The following HPSE2 variants were observed in gnomAD, a reference collection of about 807,000 sequenced individuals.
HPSE2 encodes the protein heparanase 2 (inactive).
In HPSE2, 38 loss-of-function variants were observed where a neutral mutation model predicts 60.5. That is an observed-to-expected ratio of 0.63 (90% CI 0.48 to 0.82). HPSE2 has a LOEUF of 0.82. Ranked by LOEUF, HPSE2 falls within the 40% of genes least tolerant of loss-of-function variation. HPSE2 has a pLI of 0.00. For synonymous variants in HPSE2, 295 were observed against 293.2 expected, an observed-to-expected ratio of 1.01 and a Z score of -0.06; for missense variants, 713 against 740.4, an observed-to-expected ratio of 0.96 and a Z score of 0.43.
chr10:98,999,139 C>T (rs1956716385), intron 3 of HPSE2, among the ~76,000 whole-genome samples: 1 of 148,180 alleles, frequency 6.7e-6, no homozygotes, highest in Admixed American at 6.7e-5. Context: ...AAGCACACTG[C>T]TAAGTGGTAT....
intron 7 of HPSE2, 54 bp from the exon 8 acceptor site, chr10:98,620,762 A>G: frequency 1.7e-6 from 2 of 1,152,910 alleles, no homozygotes; most frequent in Non-Finnish European, 2.6e-6. Context: ...AGCTATTCCC[A>G]CATGAGAAGA....
chr10:98,807,196 G>C (rs186551468), intron 3 of HPSE2, among the ~76,000 whole-genome samples: 15 of 152,230 alleles, frequency 9.9e-5, no homozygotes, highest in Non-Finnish European at 1.9e-4. Context: ...GCATCACTCA[G>C]CTTCAATATT....
At chr10:98,850,913 C>T (rs1419154918) in intron 3 of HPSE2, among the ~76,000 whole-genome samples, 2 of 152,140 alleles carry the variant, frequency 1.3e-5, no homozygotes, top group East Asian at 3.9e-4. Context: ...TTCTCCCTTA[C>T]TTTGTCTTCT....
the HPSE2 span, among the ~76,000 whole-genome samples, chr10:99,281,267 A>G: frequency 6.7e-6 from 1 of 148,582 alleles, no homozygotes; most frequent in Non-Finnish European, 1.5e-5. Context: ...AATAATATAT[A>G]CTATATATAC....
intron 9 of HPSE2, among the ~76,000 whole-genome samples, chr10:98,566,131 A>G (rs1319215444): frequency 6.6e-6 from 1 of 152,178 alleles, no homozygotes; most frequent in African/African-American, 2.4e-5. Context: ...TGAAATACAC[A>G]TTCTCTTCTT....
chr10:98,853,749 C>T (rs1221423201), intron 3 of HPSE2, among the ~76,000 whole-genome samples: 2 of 152,124 alleles, frequency 1.3e-5, no homozygotes, highest in African/African-American at 2.4e-5. Flanking sequence ...AAGCCACAAG[C>T]GATAACCCAA....
intron 3 of HPSE2, among the ~76,000 whole-genome samples, chr10:98,795,609 T>C (rs991252719): frequency 6.6e-6 from 1 of 152,206 alleles, no homozygotes; most frequent in Admixed American, 6.5e-5. Context: ...CCACAGGGAC[T>C]GCAATTCCTA....
chr10:99,114,807 G>C (rs1024910249), intron 3 of HPSE2, among the ~76,000 whole-genome samples: 1 of 151,110 alleles, frequency 6.6e-6, no homozygotes, highest in Non-Finnish European at 1.5e-5. Context: ...CCAGCTACTC[G>C]GGAGGCTGAG....
At chr10:98,683,349 G>C (rs1947832484) in intron 6 of HPSE2, among the ~76,000 whole-genome samples, 1 of 149,234 alleles carries the variant, frequency 6.7e-6, no homozygotes, top group Non-Finnish European at 1.5e-5. Flanking sequence ...AGTAATTCAG[G>C]GACCATGAAA....
intron 3 of HPSE2, among the ~76,000 whole-genome samples, chr10:99,020,943 A>T (rs1002912671): frequency 6.6e-5 from 10 of 152,190 alleles, no homozygotes; most frequent in African/African-American, 2.4e-4. Flanking sequence ...GCAGAGGATG[A>T]TATTTATTGG....
chr10:98,909,310 G>A (rs995697158), intron 3 of HPSE2, among the ~76,000 whole-genome samples: 1 of 150,776 alleles, frequency 6.6e-6, no homozygotes, highest in African/African-American at 2.4e-5. Flanking sequence ...ACATGTAATA[G>A]TTCCACAACT....
chr10:99,298,526 T>C, the HPSE2 span, among the ~76,000 whole-genome samples: 1 of 152,214 alleles, frequency 6.6e-6, no homozygotes, highest in Non-Finnish European at 1.5e-5. Context: ...ACTCATTTAC[T>C]ATGGCAATAA....
chr10:98,474,513 A>C (rs1370761176), intron 11 of HPSE2, among the ~76,000 whole-genome samples: 7 of 152,208 alleles, frequency 4.6e-5, no homozygotes, highest in Admixed American at 3.9e-4. Flanking sequence ...TTTGGTTAAC[A>C]TCAAATGACA....
chr10:99,008,939 T>G (rs1011460570), intron 3 of HPSE2, among the ~76,000 whole-genome samples: 2 of 152,112 alleles, frequency 1.3e-5, no homozygotes, highest in African/African-American at 4.8e-5. Flanking sequence ...GAATTGCAAT[T>G]TACTATTAAC....
chr10:99,286,320 C>T, the HPSE2 span, among the ~76,000 whole-genome samples: 14 of 152,270 alleles, frequency 9.2e-5, no homozygotes, highest in Non-Finnish European at 1.5e-4. Flanking sequence ...ATATGATCCA[C>T]GTTGTCTATC....
the HPSE2 span, among the ~76,000 whole-genome samples, chr10:99,312,255 A>C: frequency 6.6e-6 from 1 of 152,228 alleles, no homozygotes; most frequent in Non-Finnish European, 1.5e-5. Context: ...AGTGTAGACA[A>C]AACAGCCTTC....
At chr10:98,960,716 T>TA (rs1554852381) in intron 3 of HPSE2, among the ~76,000 whole-genome samples, 143 of 104,598 alleles carry the variant, frequency 1.4e-3, no homozygotes, top group African/African-American at 5.6e-3. Context: ...TTTTTTTTTT[T>TA]TTTTGTTTTA....
chr10:98,566,797 G>C (rs979879070), intron 9 of HPSE2, among the ~76,000 whole-genome samples: 5 of 152,180 alleles, frequency 3.3e-5, no homozygotes, highest in Non-Finnish European at 7.3e-5. Flanking sequence ...GTTTGAGTTA[G>C]AGGCTCTCCT....
rs751024110 is a variant in HPSE2, at chr10:98,490,176, G to A, written c.1341C>T (p.Leu447=). ...CTTTGGGGCCGATCAGGCGCTTGTA[G>A]AGGAGAGAGAGCCAGTAGTCCTGAG... ...NPLPDYWLSL[L]YKRLIGPKVL... Residue 447 remains leucine (L), a synonymous_variant, in exon 10 of 12, where the codon CTC becomes CTT. Coordinates refer to ENST00000370552, the MANE Select transcript of HPSE2 (RefSeq NM_021828.5). The A allele has an allele frequency of 8.1e-6, 13 of 1,614,074 alleles. No homozygotes were observed. The East Asian group carries it at 2.7e-4, about 33-fold the overall frequency.
Sources: allele counts gnomAD v4.1 joint callset (sites outside exome capture counted in the v4.1 genomes callset), GRCh38; gene constraint gnomAD v4.1.1; transcripts MANE v1.5; gene names NCBI Gene and HGNC (gene_info 2026-07-23, HGNC 2026-07-21).